MKRN1: variants seen among roughly 807,000 people sequenced by gnomAD.
The protein encoded by MKRN1 is E3 ubiquitin-protein ligase makorin-1.
Under a neutral mutation model 55.5 loss-of-function variants are expected in MKRN1, and 9 were observed. The observed-to-expected ratio is 0.16, with a 90% CI of 0.10 to 0.28. The LOEUF (loss-of-function observed/expected upper bound fraction) is 0.28. MKRN1 is among the 10% of genes least tolerant of loss of function. The probability of loss-of-function intolerance (pLI) is 1.00; values close to 1 mark genes in which losing one functional copy is unlikely to be tolerated. For synonymous variants in MKRN1, 253 were observed against 235.9 expected (o/e 1.07, Z -0.66); for missense variants, 488 against 626.7 (o/e 0.78, Z 2.36).
At chr7:140,457,108 G>A (rs140991189) in intron 4 of MKRN1, among the ~76,000 whole-genome samples, 57 of 151,812 alleles carry the variant, frequency 3.8e-4, no homozygotes, top group African/African-American at 1.1e-3. Flanking sequence ...ACTCAACTTC[G>A]GGAACTGAAA....
chr7:140,472,251 A>G, intron 1 of MKRN1: 1 of 454,980 alleles, frequency 2.2e-6, no homozygotes, highest in Non-Finnish European at 4.0e-6. Flanking sequence ...CCTGGGCAAC[A>G]TGGTGAAACC....
intron 1 of MKRN1, among the ~76,000 whole-genome samples, chr7:140,475,535 G>T (rs979365110): frequency 6.6e-6 from 1 of 152,024 alleles, no homozygotes; most frequent in Non-Finnish European, 1.5e-5. Context: ...GTGGTGGCAC[G>T]TGCCTGTAAT....
At position 140,471,999 on chromosome 7, in the gene MKRN1, A is replaced by G. The variant is rs1356483503; in HGVS notation, c.198T>C (p.His66=). ...AGTTGTCTCCTTCCTTACAAACCCC[A>G]TGCATAAAATACCTGTGAGACGAAA... ...TKQVTCRYFM[H]GVCKEGDNCR... The change falls in exon 2 of 8, where the codon CAT becomes CAC. Residue 66 remains histidine, a synonymous_variant. Coordinates refer to ENST00000255977, the MANE Select transcript of MKRN1 (RefSeq NM_013446.4). 1 of 1,614,118 alleles carries G rather than the reference A, an allele frequency of 6.2e-7. No individual in the cohort carries two copies. The highest frequency in any genetic ancestry group is 1.1e-5 in the South Asian group (1 of 91,082).
chr7:140,460,305 CTTTTCTTT>C (rs1260769692), intron 2 of MKRN1: 1 of 138,420 alleles, frequency 7.2e-6, no homozygotes, highest in African/African-American at 3.2e-5. Flanking sequence ...ATACCTTTTT[CTTTTCTTT>C]TTTTTTTTTT....
Position 140,479,303 on chromosome 7 carries a change from T to C in MKRN1, c.42A>G (p.Ser14=). The stretch of plus-strand genomic sequence containing the variant: ...CCGTCGCCGCTGCCGCTCCTGCTCC[T>C]GATGTTGTGGCTGTTGTTCCGGGAG... ...AATPGTTATT[S]GAGAAAATAA... is the part of the protein sequence containing the mutation. The change falls in exon 1 of 8, where the codon TCA becomes TCG. Residue 14 remains serine, a synonymous_variant. Transcript: ENST00000255977. 3.0e-6 allele frequency: 4 copies of C among 1,355,416 alleles called. No individual in the cohort carries two copies. The highest frequency in any genetic ancestry group is 3.8e-6 in the Non-Finnish European group (4 of 1,050,886). 84.0% of individuals were successfully genotyped at this position (1,355,416 alleles called of 1,614,324 possible).
In MKRN1 at chr7:140,479,256, G is replaced by C. The variant is rs200911173; in HGVS notation, c.89C>G (p.Pro30Arg). ...GGACGGGGCGGTGACTGTGGGGATC[G>C]GGGTGGGGGAGGCTGCTGCCGCCGT... ...AATAAAASPT[P>R]IPTVTAPSLG... The change falls in exon 1 of 8, where the codon CCG becomes CGG. Residue 30 changes from proline to arginine, a missense_variant. By Grantham distance (103) the Pro-to-Arg change is moderately radical. Coordinates refer to ENST00000255977, the MANE Select transcript of MKRN1 (RefSeq NM_013446.4). 7.1e-7 allele frequency: 1 copy of C among 1,406,290 alleles called. No individual in the cohort carries two copies. Among genetic ancestry groups the C allele is most frequent in the African/African-American group, 1.5e-5 (1 of 65,482 alleles). 87.1% of individuals were successfully genotyped at this position (1,406,290 alleles called of 1,614,324 possible).
At chr7:140,463,742 G>A (rs544342923) in intron 2 of MKRN1, among the ~76,000 whole-genome samples, 18 of 152,080 alleles carry the variant, frequency 1.2e-4, no homozygotes, top group African/African-American at 3.6e-4. Context: ...AAAATTAGCC[G>A]GGCGTGGTGG....
chr7:140,465,610 A>G (rs927084689), intron 2 of MKRN1, among the ~76,000 whole-genome samples: 1 of 152,226 alleles, frequency 6.6e-6, no homozygotes, highest in African/African-American at 2.4e-5. Flanking sequence ...AGTCCCGAGC[A>G]ACAAAGAACT....
At chr7:140,472,286 T>G in intron 1 of MKRN1, 1 of 359,676 alleles carries the variant, frequency 2.8e-6, no homozygotes, top group Non-Finnish European at 5.3e-6. Flanking sequence ...AATACAAAAA[T>G]TGGCTGGTGT....
At chr7:140,466,746 G>A (rs1794779239) in intron 2 of MKRN1, among the ~76,000 whole-genome samples, 1 of 146,728 alleles carries the variant, frequency 6.8e-6, no homozygotes, top group South Asian at 2.2e-4. Context: ...GGAGCTTGCA[G>A]TAAGCCGAGA....
intron 2 of MKRN1, among the ~76,000 whole-genome samples, chr7:140,470,069 A>G (rs1272511380): frequency 2.0e-5 from 3 of 150,320 alleles, no homozygotes; most frequent in Non-Finnish European, 4.4e-5. Flanking sequence ...AAAAAAAAAA[A>G]AATTAGCCAG....
rs796785261 is a variant in MKRN1 at position 140,467,841 on chromosome 7, A to G, written c.314+4042T>C. Among the ~76,000 whole-genome samples the G allele has an allele frequency of 6.6e-5, 10 of 152,056 alleles. No individual in the cohort carries two copies. The South Asian group carries it at 1.7e-3, about 25-fold the overall frequency. On this transcript the variant is annotated intron_variant, in intron 2 of 7. Coordinates refer to ENST00000255977, the MANE Select transcript of MKRN1 (RefSeq NM_013446.4). The stretch of plus-strand genomic sequence containing the variant: ...AACACGGAGAAACCCCGCCTCTACT[A>G]AAAATACAAAATTAGCTGGGCATGG...
In MKRN1 at chr7:140,456,403, C is replaced by T; in HGVS notation, c.986+249G>A. 3 of 1,341,666 alleles carry T rather than the reference C, an allele frequency of 2.2e-6. No homozygotes were observed. The South Asian group carries it at 4.8e-5, about 21-fold the overall frequency. The allele number at this position is 1,341,666 out of a possible 1,614,324, so 83.1% of individuals were successfully genotyped here. A position where few individuals can be genotyped will look rare whatever the true frequency, so the allele number is the denominator to read the frequency against. On this transcript the variant is annotated intron_variant, in intron 5 of 7. Transcript: ENST00000255977. ...CTAAACTGGCTAATAATCCATTAAA[C>T]ACAATCTCCTCAGAAAAAGCACGAA...
chr7:140,476,026 T>G (rs892823416), intron 1 of MKRN1, among the ~76,000 whole-genome samples: 2 of 152,032 alleles, frequency 1.3e-5, no homozygotes, highest in African/African-American at 4.8e-5. Context: ...ATGTAACCAG[T>G]AGGAAAATAC....
chr7:140,454,208 A>G lies in MKRN1; in HGVS notation c.*309T>C, dbSNP rs1045283411. 2 of 359,266 alleles carry G rather than the reference A, an allele frequency of 5.6e-6. No homozygotes were observed. Among genetic ancestry groups the G allele is most frequent in the African/African-American group, 2.1e-5 (1 of 48,138 alleles). The allele number at this position is 359,266 out of a possible 1,614,324, so 22.3% of individuals were successfully genotyped here. On this transcript the variant is annotated 3_prime_UTR_variant, in exon 8 of 8. Transcript: ENST00000255977. ...TGGGGTCCTCAAAATGAGTGTGTGA[A>G]AAGTCCATAAATGCAATCTGGTTGA... is the stretch of plus-strand genomic sequence containing the variant.
chr7:140,476,348 C>T (rs1236489243), intron 1 of MKRN1, among the ~76,000 whole-genome samples: 8 of 151,226 alleles, frequency 5.3e-5, no homozygotes, highest in Non-Finnish European at 1.0e-4. Flanking sequence ...TGTGGCCGGG[C>T]GTAATCCCAC....
Position 140,454,387 on chromosome 7 carries a change from G to T in MKRN1, c.*130C>A. ...GAGGGGTTGAGAAGACAGGCCCTGG[G>T]TAAAAATTCTTAGGACAGCACCTGG... On this transcript the variant is annotated 3_prime_UTR_variant, in exon 8 of 8. Coordinates refer to ENST00000255977, the MANE Select transcript of MKRN1 (RefSeq NM_013446.4). 1 of 812,952 alleles carries T rather than the reference G, an allele frequency of 1.2e-6. No homozygotes were observed. Among genetic ancestry groups the T allele is most frequent in the Non-Finnish European group, 2.0e-6 (1 of 498,520 alleles). 50.4% of individuals were successfully genotyped at this position (812,952 alleles called of 1,614,324 possible).
chr7:140,467,778 G>A (rs937556001), intron 2 of MKRN1, among the ~76,000 whole-genome samples: 7 of 151,690 alleles, frequency 4.6e-5, no homozygotes, highest in East Asian at 2.0e-4. Flanking sequence ...TGAGGCGGGC[G>A]GATCACCTGA....
chr7:140,470,341 T>C (rs1794888970), intron 2 of MKRN1, among the ~76,000 whole-genome samples: 1 of 151,988 alleles, frequency 6.6e-6, no homozygotes, highest in Non-Finnish European at 1.5e-5. Flanking sequence ...TCTCAGCACT[T>C]TGGGAAGCCG....
Sources: gnomAD v4.1 joint callset for allele counts (sites outside exome capture counted in the v4.1 genomes callset) on GRCh38, gnomAD v4.1.1 for gene constraint, MANE v1.5 for transcripts, NCBI Gene and HGNC (gene_info 2026-07-23, HGNC 2026-07-21) for gene names.